Variants in BCL11B observed in about 807,000 individuals in gnomAD.
BCL11B encodes the protein BCL11 transcription factor B.
In BCL11B, 8 loss-of-function variants were observed where a neutral mutation model predicts 49.9. The ratio of observed to expected loss-of-function variants is 0.16; its 90% CI spans 0.09 to 0.29. BCL11B has a LOEUF of 0.29. Among genes scored for constraint, BCL11B ranks in the 10% least tolerant of loss-of-function variants. BCL11B has a pLI of 1.00. For synonymous variants in BCL11B, 739 were observed against 637.4 expected (o/e 1.16, Z -2.40); for missense variants, 1,006 against 1,351.0 (o/e 0.74, Z 4.00).
chr14:99,175,646 G>A lies in BCL11B; in HGVS notation c.1190C>T (p.Pro397Leu), dbSNP rs772567533. The A allele has an allele frequency of 1.3e-6, 2 of 1,561,006 alleles. No homozygotes were observed. Among genetic ancestry groups the A allele is most frequent in the Non-Finnish European group, 1.7e-6 (2 of 1,163,434 alleles). Reference protein sequence around the residue: ...PMHRLLNPFQPSPKSPFLSTP... With the variant: ...PMHRLLNPFQLSPKSPFLSTP... Reference sequence around the variant, plus strand: ...GCTCAGGAACGGGGACTTGGGGCTGGGCTGGAAGGGGTTCAGGAGCCGGTG... The same window carrying A: ...GCTCAGGAACGGGGACTTGGGGCTGAGCTGGAAGGGGTTCAGGAGCCGGTG... Residue 397 changes from proline (P) to leucine (L), a missense_variant, in exon 4 of 4, where the codon CCC (proline) becomes CTC (leucine). Around this residue, in one of 6 missense-constraint regions of BCL11B, gnomAD observed 97 missense variants for 81.5 expected, o/e 1.19. Coordinates refer to ENST00000357195, the MANE Select transcript of BCL11B (RefSeq NM_138576.4).
At chr14:99,249,440 C>T (rs572506519) in intron 2 of BCL11B, among the ~76,000 whole-genome samples, 1 of 152,346 alleles carries the variant, frequency 6.6e-6, no homozygotes, top group South Asian at 2.1e-4. Context: ...TCCTAATGCT[C>T]TCCCTCCCAG....
chr14:99,220,207 T>C (rs80255345), intron 3 of BCL11B, among the ~76,000 whole-genome samples: 20,049 of 152,222 alleles, frequency 0.13, 1,559 homozygotes, highest in Non-Finnish European at 0.18. Context: ...AAATTAAATA[T>C]AGGATTACCC....
At chr14:99,260,570 C>T (rs1047047251) in intron 1 of BCL11B, among the ~76,000 whole-genome samples, 10 of 152,198 alleles carry the variant, frequency 6.6e-5, no homozygotes, top group African/African-American at 2.4e-4. Context: ...GTCACACGTG[C>T]CTGTTCGCAA....
At chr14:99,178,108 C>A (rs992866615) in intron 3 of BCL11B, among the ~76,000 whole-genome samples, 2 of 152,130 alleles carry the variant, frequency 1.3e-5, no homozygotes, top group Admixed American at 6.5e-5. Flanking sequence ...AGACTCCCCC[C>A]GCGACCTCAG....
intron 2 of BCL11B, among the ~76,000 whole-genome samples, chr14:99,243,918 TAAAAAAAAAAAAAAAA>T (rs200999902): frequency 1.5e-4 from 19 of 128,110 alleles, no homozygotes; most frequent in Non-Finnish European, 2.5e-4. Flanking sequence ...ACATTGCTCC[TAAAAAAAAAAAAAAAA>T]AAAAAAAAAA....
chr14:99,206,283 C>A (rs1437824009), intron 3 of BCL11B, among the ~76,000 whole-genome samples: 1 of 152,170 alleles, frequency 6.6e-6, no homozygotes, highest in East Asian at 1.9e-4. Flanking sequence ...CACACCTGTT[C>A]ATTAATAGTC....
chr14:99,207,973 G>C (rs1887581919), intron 3 of BCL11B, among the ~76,000 whole-genome samples: 1 of 152,198 alleles, frequency 6.6e-6, no homozygotes, highest in Non-Finnish European at 1.5e-5. Flanking sequence ...CAGCGGAGCA[G>C]CATTATTGGG....
rs1240266344 is a variant in BCL11B at position 99,241,144 on chromosome 14, GTA to G, written c.428-9589_428-9588del. 6.6e-6 allele frequency among the ~76,000 whole-genome samples: 1 copy of G among 152,060 alleles called. No individual in the cohort carries two copies. The highest frequency in any genetic ancestry group is 2.4e-5 in the African/African-American group (1 of 41,426). ...CCTCTTCTCCCTACAGGAGTGCCCA[GTA>G]TTTATATGCCACTTACTTGGTTTTG... is the stretch of plus-strand genomic sequence containing the variant. On this transcript the variant is annotated intron_variant, in intron 2 of 3. Transcript: ENST00000357195. The surrounding 1 kb of genome is among the most constrained non-coding windows in gnomAD (Gnocchi z 4.4).
In BCL11B at chr14:99,184,275, T is replaced by C. The variant is rs1433996700; in HGVS notation, c.641-8080A>G. 6.6e-6 allele frequency among the ~76,000 whole-genome samples: 1 copy of C among 152,156 alleles called. No individual in the cohort carries two copies. The highest frequency in any genetic ancestry group is 2.4e-5 in the African/African-American group (1 of 41,448). On this transcript the variant is annotated intron_variant, in intron 3 of 3. Transcript: ENST00000357195. The surrounding 1 kb of genome is among the most constrained non-coding windows in gnomAD (Gnocchi z 6.1). ...CCGTTTATTCTCTCCCCATAAAATA[T>C]CTTTTCAGATCCAGCCCAAGTCTAA...
Position 99,231,515 on chromosome 14 carries a change from G to A in BCL11B, c.470C>T (p.Ala157Val), listed in dbSNP as rs1360972265. 6.3e-7 allele frequency: 1 copy of A among 1,596,906 alleles called. No homozygotes were observed. Among genetic ancestry groups the A allele is most frequent in the African/African-American group, 1.3e-5 (1 of 74,888 alleles). The change falls in exon 3 of 4, where the codon GCT becomes GTT. Residue 157 changes from alanine to valine, a missense_variant. Ala to Val is a moderately conservative substitution (Grantham distance 64). Transcript: ENST00000357195. The surrounding 1 kb of genome is among the most constrained non-coding windows in gnomAD (Gnocchi z 8.1). ...GGATGAGTGAGGGTGGGAGGAGGCA[G>A]CTATGGGGGCCACCGCTGGCAGCTG... ...PAQLPAVAPI[A>V]ASSHPHSSVI...
intron 2 of BCL11B, among the ~76,000 whole-genome samples, chr14:99,255,388 T>G (rs1197623832): frequency 1.5e-4 from 17 of 114,714 alleles, no homozygotes; most frequent in Admixed American, 4.7e-4. Flanking sequence ...TGTAGGCTGC[T>G]GCAGTATCAC....
chr14:99,251,506 A>G (rs754985619), intron 2 of BCL11B, among the ~76,000 whole-genome samples: 9 of 152,200 alleles, frequency 5.9e-5, no homozygotes, highest in Non-Finnish European at 8.8e-5. Flanking sequence ...TAAAACAAAT[A>G]ATTTGTATTT....
chr14:99,176,320 G>C (rs2139762547), intron 3 of BCL11B, 125 bp from the exon 4 acceptor site: 2 of 884,476 alleles, frequency 2.3e-6, no homozygotes, highest in South Asian at 1.8e-5. Context: ...TGCCCTGCCT[G>C]ACAGGGGCTG....
At position 99,175,886 on chromosome 14, in the gene BCL11B, A is replaced by C; in HGVS notation, c.950T>G (p.Phe317Cys). ...EGRLPGTPPLFSPPPRHHLDP... is the reference protein window; with the variant it reads ...EGRLPGTPPLCSPPPRHHLDP... Reference sequence around the variant, plus strand: ...CAGGTGGTGGCGCGGCGGGGGACTGAAGAGAGGCGGCGTGCCCGGCAGGCG... The same window carrying C: ...CAGGTGGTGGCGCGGCGGGGGACTGCAGAGAGGCGGCGTGCCCGGCAGGCG... The change falls in exon 4 of 4, where the codon TTC (phenylalanine) becomes TGC (cysteine). Residue 317 changes from phenylalanine to cysteine, a missense_variant. Coordinates refer to ENST00000357195, the MANE Select transcript of BCL11B (RefSeq NM_138576.4). 6.8e-7 allele frequency: 1 copy of C among 1,466,436 alleles called. No individual in the cohort carries two copies. The highest frequency in any genetic ancestry group is 1.4e-5 in the South Asian group (1 of 69,552). 90.8% of individuals were successfully genotyped at this position (1,466,436 alleles called of 1,614,324 possible). A position where few individuals can be genotyped will look rare whatever the true frequency, so the allele number is the denominator to read the frequency against.
rs1889301249 is a variant in BCL11B at position 99,260,367 on chromosome 14, GT to G, written c.59-2529del. On this transcript the variant is annotated intron_variant, in intron 1 of 3. Coordinates refer to ENST00000357195, the MANE Select transcript of BCL11B (RefSeq NM_138576.4). Reference sequence around the variant, plus strand: ...TTCTGAGGGCGAAGAGGTCTTCTTGGTTTTTTTAATTTAATCTTCGGTTTAC... The same window carrying G: ...TTCTGAGGGCGAAGAGGTCTTCTTGGTTTTTTAATTTAATCTTCGGTTTAC... Among the ~76,000 whole-genome samples, 4 of 152,176 alleles carry G rather than the reference GT, an allele frequency of 2.6e-5. No individual in the cohort carries two copies. In the South Asian group the frequency reaches 8.3e-4, roughly 32 times the overall value.
In BCL11B at chr14:99,213,571, G is replaced by A. The variant is rs1025710038; in HGVS notation, c.640+17774C>T. On this transcript the variant is annotated intron_variant, in intron 3 of 3. Transcript: ENST00000357195. This position sits in a 1 kb window ranked among gnomAD's most constrained non-coding sequence, Gnocchi z 5.1. Reference sequence around the variant, plus strand: ...CATTTTACTCCACGGGCAATGGTAAGTCCTACTACCCCAAAAGTACAAATG... The same window carrying A: ...CATTTTACTCCACGGGCAATGGTAAATCCTACTACCCCAAAAGTACAAATG... Among the ~76,000 whole-genome samples the A allele has an allele frequency of 4.6e-5, 7 of 152,132 alleles. No individual in the cohort carries two copies. Among genetic ancestry groups the A allele is most frequent in the Non-Finnish European group, 1.0e-4 (7 of 68,016 alleles).
chr14:99,266,357 C>T (rs1889482912), intron 1 of BCL11B, among the ~76,000 whole-genome samples: 1 of 152,122 alleles, frequency 6.6e-6, no homozygotes, highest in South Asian at 2.1e-4. Flanking sequence ...TTCCCCAGAC[C>T]TCCCCAGCCC....
intron 3 of BCL11B, among the ~76,000 whole-genome samples, chr14:99,197,748 G>T (rs897531895): frequency 6.6e-6 from 1 of 152,136 alleles, no homozygotes; most frequent in Non-Finnish European, 1.5e-5. Context: ...GCAGACAGAC[G>T]GCTGGAGCGG....
chr14:99,202,581 A>G (rs937545256), intron 3 of BCL11B, among the ~76,000 whole-genome samples: 7 of 152,058 alleles, frequency 4.6e-5, no homozygotes, highest in African/African-American at 1.4e-4. Context: ...CAACGCAAGG[A>G]GTGCCCTGAG....
Sources: allele counts gnomAD v4.1 joint callset (sites outside exome capture counted in the v4.1 genomes callset), GRCh38; gene constraint gnomAD v4.1.1; regional missense constraint gnomAD v4.1.1; non-coding constraint Gnocchi (gnomAD v3.1); transcripts MANE v1.5; gene names NCBI Gene and HGNC (gene_info 2026-07-23, HGNC 2026-07-21).